ZC3H18: variants seen among roughly 807,000 people sequenced by gnomAD.
ZC3H18 encodes zinc finger CCCH domain-containing protein 18.
Under a neutral mutation model 106.1 loss-of-function variants are expected in ZC3H18, and 8 were observed. The observed-to-expected ratio is 0.08, with a 90% confidence interval of 0.04 to 0.14. The LOEUF is 0.14. Among genes scored for constraint, ZC3H18 ranks in the 10% least tolerant of loss-of-function variants. The probability of loss-of-function intolerance (pLI) is 1.00; values close to 1 mark genes in which losing one functional copy is unlikely to be tolerated. For synonymous variants in ZC3H18, 635 were observed against 522.1 expected (o/e 1.22, Z -2.95); for missense variants, 1,318 against 1,278.4 (o/e 1.03, Z -0.47).
In ZC3H18 at chr16:88,620,611, G is replaced by C. The variant is rs564211728; in HGVS notation, c.1476-1586G>C. Among the ~76,000 whole-genome samples the C allele has an allele frequency of 4.0e-5, 6 of 150,784 alleles. No individual in the cohort carries two copies. In the South Asian group the frequency reaches 1.3e-3, roughly 32 times the overall value. On this transcript the variant is annotated intron_variant, in intron 8 of 17. Transcript: ENST00000301011. The stretch of plus-strand genomic sequence containing the variant: ...AAAAAAAAAAAAAAAGCCACGTTCT[G>C]CTTATACAATTGCCAGGATTTTGGG...
intron 13 of ZC3H18, chr16:88,626,617 T>G (rs746958822): frequency 6.6e-6 from 1 of 152,108 alleles, no homozygotes; most frequent in South Asian, 2.1e-4. Flanking sequence ...TCTCCCAAAC[T>G]CGTGGGATTA....
chr16:88,623,370 C>A, intron 10 of ZC3H18, 26 bp downstream of exon 10: 4 of 1,609,756 alleles, frequency 2.5e-6, no homozygotes, highest in Non-Finnish European at 3.4e-6. Flanking sequence ...CCATGAAGGG[C>A]CCTCAGCAGG....
At chr16:88,581,082 C>T (rs1915100700) in intron 2 of ZC3H18, among the ~76,000 whole-genome samples, 1 of 152,220 alleles carries the variant, frequency 6.6e-6, no homozygotes, top group African/African-American at 2.4e-5. Context: ...TACTGGATAC[C>T]TGGAAGGATT....
intron 8 of ZC3H18, among the ~76,000 whole-genome samples, chr16:88,613,465 C>T (rs371598254): frequency 2.6e-5 from 4 of 152,048 alleles, no homozygotes; most frequent in African/African-American, 9.7e-5. Flanking sequence ...TCCCGCTAGC[C>T]GCATAGGAGG....
chr16:88,624,091 G>A (rs1315280817), intron 11 of ZC3H18, 29 bp downstream of exon 11: 13 of 1,610,454 alleles, frequency 8.1e-6, no homozygotes, highest in Non-Finnish European at 1.1e-5. Flanking sequence ...GGCAAGTCCT[G>A]GCCGGCCAGG....
At chr16:88,601,396 G>A (rs1356840823) in intron 6 of ZC3H18, among the ~76,000 whole-genome samples, 1 of 152,160 alleles carries the variant, frequency 6.6e-6, no homozygotes, top group African/African-American at 2.4e-5. Flanking sequence ...ATATGTGTGG[G>A]GAAGGATGGA....
chr16:88,628,790 A>G lies in ZC3H18; in HGVS notation c.2502A>G (p.Glu834=). 1 of 1,614,058 alleles carries G rather than the reference A, an allele frequency of 6.2e-7. No homozygotes were observed. Among genetic ancestry groups the G allele is most frequent in the Non-Finnish European group, 8.5e-7 (1 of 1,179,982 alleles). ...ATAAAGGAAGCAGGAAGCGCTATGA[A>G]CCATCAGACAAGGACAGGCAGAGCC... is the stretch of plus-strand genomic sequence containing the variant. ...AADKGSRKRY[E]PSDKDRQSPP... is the part of the protein sequence containing the mutation. Residue 834 remains glutamate, a synonymous_variant, in exon 16 of 18, where the codon GAA becomes GAG. Transcript: ENST00000301011.
In ZC3H18 at chr16:88,627,920, G is replaced by C; in HGVS notation, c.2270G>C (p.Gly757Ala). ...PAPAQTRKEK[G>A]KSKKEDGVKE... The stretch of plus-strand genomic sequence containing the variant: ...ATGACTGCGGATTTATCATTGGTAG[G>C]AAAATCTAAGAAAGAAGACGGTGTT... The change falls in exon 15 of 18, where the codon GGA becomes GCA. Residue 757 changes from glycine to alanine, a missense_variant and splice_region_variant. Transcript: ENST00000301011. This position sits in a 1 kb window ranked among gnomAD's most constrained non-coding sequence, Gnocchi z 4.5. 1 of 1,613,962 alleles carries C rather than the reference G, an allele frequency of 6.2e-7. No individual in the cohort carries two copies. Among genetic ancestry groups the C allele is most frequent in the Non-Finnish European group, 8.5e-7 (1 of 1,180,038 alleles).
Position 88,631,461 on chromosome 16 carries a change from G to A in ZC3H18, c.*162G>A, listed in dbSNP as rs1360317316. ...AAGAAGCCACACAGGAAATGACAAC[G>A]ACGCTGAATCCCAGCCTCCCTCCCC... On this transcript the variant is annotated 3_prime_UTR_variant, in exon 18 of 18. Coordinates refer to ENST00000301011, the MANE Select transcript of ZC3H18 (RefSeq NM_144604.4). 1.0e-5 allele frequency: 10 copies of A among 972,590 alleles called. No homozygotes were observed. The highest frequency in any genetic ancestry group is 2.4e-5 in the Admixed American group (1 of 42,066). 60.2% of individuals were successfully genotyped at this position (972,590 alleles called of 1,614,324 possible).
At chr16:88,609,082 C>T (rs767622922) in intron 7 of ZC3H18, 31 bp downstream of exon 7, 1 of 1,528,780 alleles carries the variant, frequency 6.5e-7, no homozygotes, top group South Asian at 1.1e-5. Flanking sequence ...CACATATGAA[C>T]TTCATGATCT....
At chr16:88,575,923 C>T (rs748881451) in intron 1 of ZC3H18, among the ~76,000 whole-genome samples, 2 of 152,070 alleles carry the variant, frequency 1.3e-5, no homozygotes, top group African/African-American at 2.4e-5. Flanking sequence ...TGTTTTGAGA[C>T]GGAGTCTCAC....
chr16:88,575,898 G>GTTTGTT (rs376673659), intron 1 of ZC3H18, among the ~76,000 whole-genome samples: 2 of 148,272 alleles, frequency 1.3e-5, no homozygotes, highest in African/African-American at 2.4e-5. Context: ...TTGTTTGTTT[G>GTTTGTT]TTTGTTTTTG....
chr16:88,596,653 A>T (rs1457290674), intron 3 of ZC3H18, among the ~76,000 whole-genome samples: 2 of 152,050 alleles, frequency 1.3e-5, no homozygotes, highest in African/African-American at 4.8e-5. Flanking sequence ...CTCCATCTGA[A>T]AAAAAAAGGA....
intron 2 of ZC3H18, among the ~76,000 whole-genome samples, chr16:88,583,697 C>G (rs1915270825): frequency 6.6e-6 from 1 of 152,154 alleles, no homozygotes; most frequent in Non-Finnish European, 1.5e-5. Context: ...GCGTGGAGAC[C>G]CGGCTTCAGA....
chr16:88,584,677 T>A (rs1915333230), intron 2 of ZC3H18, among the ~76,000 whole-genome samples: 1 of 152,176 alleles, frequency 6.6e-6, no homozygotes, highest in African/African-American at 2.4e-5. Context: ...TGAAATGATG[T>A]CTCGCACCTT....
intron 1 of ZC3H18, among the ~76,000 whole-genome samples, chr16:88,575,215 G>A (rs916186347): frequency 1.1e-4 from 17 of 151,772 alleles, no homozygotes; most frequent in African/African-American, 3.6e-4. Flanking sequence ...TCTTGATACT[G>A]TGCATCTTTA....
chr16:88,581,518 G>A (rs1485476858), intron 2 of ZC3H18, among the ~76,000 whole-genome samples: 3 of 152,186 alleles, frequency 2.0e-5, no homozygotes, highest in African/African-American at 7.2e-5. Flanking sequence ...AGTATCTTCT[G>A]GAAGTGCCGC....
chr16:88,586,492 T>A, intron 2 of ZC3H18, 108 bp from the exon 3 acceptor site: 1 of 886,344 alleles, frequency 1.1e-6, no homozygotes, highest in Non-Finnish European at 1.9e-6. Flanking sequence ...TCAATTCCTG[T>A]GACAATATCC....
chr16:88,576,124 T>C (rs979516206), intron 1 of ZC3H18, among the ~76,000 whole-genome samples: 8 of 152,076 alleles, frequency 5.3e-5, no homozygotes, highest in African/African-American at 1.9e-4. Context: ...ATGGTCTCGA[T>C]CTCCTGACCT....
Sources: gnomAD v4.1 joint callset for allele counts (sites outside exome capture counted in the v4.1 genomes callset) on GRCh38, gnomAD v4.1.1 for gene constraint, Gnocchi (gnomAD v3.1) non-coding constraint, MANE v1.5 for transcripts, NCBI Gene and HGNC (gene_info 2026-07-23, HGNC 2026-07-21) for gene names.